ADAM10: variants seen among roughly 807,000 people sequenced by gnomAD.
The protein encoded by ADAM10 is disintegrin and metalloproteinase domain-containing protein 10.
In ADAM10, 17 loss-of-function variants were observed where a neutral mutation model predicts 90.1. The observed-to-expected ratio is 0.19, with a 90% confidence interval of 0.13 to 0.28. The LOEUF is 0.28. ADAM10 is among the 10% of genes least tolerant of loss of function. The probability of loss-of-function intolerance (pLI) is 1.00; values close to 1 mark genes in which losing one functional copy is unlikely to be tolerated. For synonymous variants in ADAM10, 310 were observed against 298.6 expected, an observed-to-expected ratio of 1.04 and a Z score of -0.40; for missense variants, 610 against 914.3, an observed-to-expected ratio of 0.67 and a Z score of 4.29.
intron 1 of ADAM10, chr15:58,747,768 A>G (rs1045754636): frequency 2.6e-5 from 4 of 152,206 alleles, no homozygotes; most frequent in Non-Finnish European, 4.4e-5. Flanking sequence ...TTTGTATAAG[A>G]GTTTTAACCC....
Position 58,615,298 on chromosome 15 carries a change from C to A in ADAM10, c.1512-3307G>T, listed in dbSNP as rs1007127202. Among the ~76,000 whole-genome samples, 76 of 141,828 alleles carry A rather than the reference C, an allele frequency of 5.4e-4. No individual in the cohort carries two copies. The Middle Eastern group carries it at 0.011, about 21-fold the overall frequency. 93.0% of individuals were successfully genotyped at this position (141,828 alleles called of 152,430 possible). A position where few individuals can be genotyped will look rare whatever the true frequency, so the allele number is the denominator to read the frequency against. ...GAAGAAAAAAAAAAAAAAAAAAAAA[C>A]CAGAAAATAATTATCAAAATGATAA... On this transcript the variant is annotated intron_variant, in intron 11 of 15. Transcript: ENST00000260408.
rs192914915 is a variant in ADAM10 at position 58,692,433 on chromosome 15, C to T, written c.207-10119G>A. On this transcript the variant is annotated intron_variant, in intron 2 of 15. Transcript: ENST00000260408. ...TCTTATTATTCTTATCAGTGTCATC[C>T]TCCTCATCGGAACCCACATCTTCAG... is the stretch of plus-strand genomic sequence containing the variant. The T allele has an allele frequency of 5.5e-6, 3 of 548,650 alleles. 1 individual carries two copies. Among genetic ancestry groups the T allele is most frequent in the Non-Finnish European group, 1.1e-5 (3 of 272,226 alleles). 34.0% of individuals were successfully genotyped at this position (548,650 alleles called of 1,614,324 possible). A position where few individuals can be genotyped will look rare whatever the true frequency, so the allele number is the denominator to read the frequency against.
rs143671315 is a variant in ADAM10, at chr15:58,690,429, C to G, written c.207-8115G>C. 9.5e-3 allele frequency among the ~76,000 whole-genome samples: 1,441 copies of G among 152,258 alleles called. 20 individuals carry two copies. The highest frequency in any genetic ancestry group is 0.033 in the African/African-American group (1,362 of 41,542). ...AAGAAAAATAATCCTCTTTTAGTTG[C>G]TAATCCCCAGAAATGGTAATCTTTT... On this transcript the variant is annotated intron_variant, in intron 2 of 15. Transcript: ENST00000260408.
chr15:58,706,182 A>G (rs924932462), intron 2 of ADAM10, among the ~76,000 whole-genome samples: 1 of 152,220 alleles, frequency 6.6e-6, no homozygotes, highest in Non-Finnish European at 1.5e-5. Flanking sequence ...TCATAATGGG[A>G]CATAAAGCCC....
chr15:58,643,992 A>C lies in ADAM10; in HGVS notation c.736-14T>G, dbSNP rs774003157. ...ATGACTGGATATCTATGATTTAAAA[A>C]AAAGAACATTTTAGAGGCAATGTTG... is the stretch of plus-strand genomic sequence containing the variant. On this transcript the variant is annotated splice_polypyrimidine_tract_variant and intron_variant, in intron 6 of 15. Transcript: ENST00000260408. The C allele has an allele frequency of 1.9e-6, 3 of 1,574,830 alleles. No homozygotes were observed. The South Asian group carries it at 3.3e-5, about 17-fold the overall frequency.
chr15:58,717,518 C>G lies in ADAM10; in HGVS notation c.206+59G>C, dbSNP rs545355950. The G allele has an allele frequency of 1.0e-5, 16 of 1,605,580 alleles. No individual in the cohort carries two copies. The East Asian group carries it at 3.4e-4, about 34-fold the overall frequency. On this transcript the variant is annotated intron_variant, in intron 2 of 15. Coordinates refer to ENST00000260408, the MANE Select transcript of ADAM10 (RefSeq NM_001110.4). ...GGAAAATTAAGGATATAAATCTCCT[C>G]TTTAACTTAGATTGAATATAGAGGA...
chr15:58,706,622 G>A (rs547869336), intron 2 of ADAM10, among the ~76,000 whole-genome samples: 2 of 152,232 alleles, frequency 1.3e-5, no homozygotes, highest in South Asian at 4.1e-4. Flanking sequence ...GAAGAGGAGA[G>A]GAACTGGAAG....
chr15:58,694,342 T>G (rs1194238652), intron 2 of ADAM10, among the ~76,000 whole-genome samples: 1 of 152,082 alleles, frequency 6.6e-6, no homozygotes, highest in East Asian at 1.9e-4. Context: ...TCTCAGTGAT[T>G]TGGGAGGCTG....
intron 8 of ADAM10, among the ~76,000 whole-genome samples, chr15:58,635,030 A>G (rs1896209791): frequency 6.6e-6 from 1 of 152,102 alleles, no homozygotes; most frequent in African/African-American, 2.4e-5. Flanking sequence ...GTTAAAATTC[A>G]GAAAGCTGAA....
chr15:58,600,073 T>A (rs1221646372), intron 14 of ADAM10, among the ~76,000 whole-genome samples: 1 of 151,988 alleles, frequency 6.6e-6, no homozygotes, highest in Non-Finnish European at 1.5e-5. Context: ...TTTCCCATGT[T>A]ATTAAATATT....
intron 1 of ADAM10, chr15:58,749,145 G>A (rs1595678272): frequency 3.0e-5 from 12 of 398,452 alleles, no homozygotes; most frequent in Non-Finnish European, 5.3e-5. Flanking sequence ...GAGGGATGCA[G>A]CCACCAGCCT....
At chr15:58,621,385 A>C in intron 11 of ADAM10, 86 bp downstream of exon 11, 2 of 1,521,998 alleles carry the variant, frequency 1.3e-6, no homozygotes, top group Non-Finnish European at 1.8e-6. Context: ...AACCATATGC[A>C]TCTCTTAATC....
Position 58,627,730 on chromosome 15 carries a change from G to C in ADAM10, c.1330C>G (p.Leu444Val). ...LCSIRNISQV[L>V]EKKRNNCFVE... ...AAACAGTTGTTTCTCTTCTTCTCAAGAACTTGGCTTATATTTCTAATACTA... is the reference window on the plus strand; with the variant it reads ...AAACAGTTGTTTCTCTTCTTCTCAACAACTTGGCTTATATTTCTAATACTA... Residue 444 changes from leucine to valine, a missense_variant, in exon 10 of 16, where the codon CTT becomes GTT. Physicochemically the swap from Leu to Val is conservative, Grantham distance 32. Transcript: ENST00000260408. The C allele has an allele frequency of 6.2e-7, 1 of 1,613,116 alleles. No individual in the cohort carries two copies. The highest frequency in any genetic ancestry group is 8.5e-7 in the Non-Finnish European group (1 of 1,179,366).
intron 14 of ADAM10, among the ~76,000 whole-genome samples, chr15:58,605,188 A>C (rs1895235428): frequency 6.6e-6 from 1 of 152,222 alleles, no homozygotes; most frequent in Admixed American, 6.5e-5. Flanking sequence ...ACAGATGTAT[A>C]ATAAAATATG....
intron 2 of ADAM10, among the ~76,000 whole-genome samples, chr15:58,713,360 C>T (rs1355573390): frequency 6.6e-6 from 1 of 152,168 alleles, no homozygotes; most frequent in Non-Finnish European, 1.5e-5. Flanking sequence ...TTCACCTCAG[C>T]CTCCCAAAGT....
intron 2 of ADAM10, among the ~76,000 whole-genome samples, chr15:58,707,828 G>C (rs555203973): frequency 1.3e-5 from 2 of 152,152 alleles, no homozygotes; most frequent in Admixed American, 1.3e-4. Context: ...TGTAATCCTA[G>C]CACTTTGGGA....
At position 58,593,642 on chromosome 15, in the gene ADAM10, A is replaced by G. The variant is rs1397565480; in HGVS notation, c.*3905T>C. 6.6e-6 allele frequency: 1 copy of G among 152,124 alleles called. No homozygotes were observed. The highest frequency in any genetic ancestry group is 6.5e-5 in the Admixed American group (1 of 15,276). 9.4% of individuals were successfully genotyped at this position (152,124 alleles called of 1,614,324 possible). A position where few individuals can be genotyped will look rare whatever the true frequency, so the allele number is the denominator to read the frequency against. ...TGCTTCCAGATTTCGTTCTTGTTCA[A>G]TTCACCTTGTCCTTGTTGGATTACC... is the stretch of plus-strand genomic sequence containing the variant. On this transcript the variant is annotated 3_prime_UTR_variant, in exon 16 of 16. Transcript: ENST00000260408.
At chr15:58,723,407 G>A (rs981406146) in intron 1 of ADAM10, among the ~76,000 whole-genome samples, 5 of 152,108 alleles carry the variant, frequency 3.3e-5, no homozygotes, top group African/African-American at 9.7e-5. Context: ...ATCACAAGCC[G>A]GGTGTGGTGG....
chr15:58,682,575 A>G (rs1897470989), intron 2 of ADAM10, among the ~76,000 whole-genome samples: 1 of 152,188 alleles, frequency 6.6e-6, no homozygotes, highest in Non-Finnish European at 1.5e-5. Context: ...TGATTCTTAC[A>G]TGGTAAAACA....
Sources: gnomAD v4.1 joint callset for allele counts (sites outside exome capture counted in the v4.1 genomes callset) on GRCh38, gnomAD v4.1.1 for gene constraint, MANE v1.5 for transcripts, NCBI Gene and HGNC (gene_info 2026-07-23, HGNC 2026-07-21) for gene names.